The following CSMD3 variants were observed in gnomAD, a reference collection of about 807,000 sequenced individuals.
The protein encoded by CSMD3 is CUB and Sushi multiple domains 3.
CSMD3 carries 177 observed loss-of-function variants against 435.2 expected under a neutral mutation model. That is an observed-to-expected ratio of 0.41 (90% confidence interval 0.36 to 0.46). The LOEUF is 0.46. Among genes scored for constraint, CSMD3 ranks in the 20% least tolerant of loss-of-function variants. CSMD3 has a pLI of 0.34. For missense variants in CSMD3, 4,265 were observed against 4,504.6 expected (o/e 0.95, Z 1.52); for synonymous variants, 1,656 against 1,520.5 (o/e 1.09, Z -2.07).
chr8:113,123,209 T>G (rs944890249), intron 4 of CSMD3, among the ~76,000 whole-genome samples: 1 of 152,092 alleles, frequency 6.6e-6, no homozygotes, highest in African/African-American at 2.4e-5. Flanking sequence ...TGCCTCTAAA[T>G]GCCTAGCTTC....
At chr8:112,691,796 T>C (rs2076143211) in intron 13 of CSMD3, among the ~76,000 whole-genome samples, 1 of 152,034 alleles carries the variant, frequency 6.6e-6, no homozygotes, top group Non-Finnish European at 1.5e-5. Context: ...TTTTGTTTGT[T>C]TGTTTTTTTG....
chr8:112,436,760 C>T (rs1172125113), intron 32 of CSMD3, among the ~76,000 whole-genome samples: 1 of 151,886 alleles, frequency 6.6e-6, no homozygotes, highest in Non-Finnish European at 1.5e-5. Flanking sequence ...TTGTTTATTT[C>T]TAGGTTCTAT....
At chr8:113,206,066 GGGTAGAGCT>G (rs1344848384) in intron 3 of CSMD3, among the ~76,000 whole-genome samples, 2 of 151,994 alleles carry the variant, frequency 1.3e-5, no homozygotes, top group Non-Finnish European at 2.9e-5. Flanking sequence ...TGCACTACAA[GGGTAGAGCT>G]GGTAAGTTGT....
chr8:112,490,385 C>A (rs1452397358), intron 31 of CSMD3, among the ~76,000 whole-genome samples: 18 of 151,982 alleles, frequency 1.2e-4, no homozygotes, highest in Admixed American at 1.2e-3. Flanking sequence ...ATAAGTGATC[C>A]TATAAAATGG....
At chr8:113,232,552 A>T (rs2093100455) in intron 3 of CSMD3, among the ~76,000 whole-genome samples, 1 of 151,810 alleles carries the variant, frequency 6.6e-6, no homozygotes, top group South Asian at 2.1e-4. Context: ...TATTTTGAAT[A>T]GCAAGTGTCA....
chr8:112,874,709 G>T (rs898273567), intron 10 of CSMD3, among the ~76,000 whole-genome samples: 2 of 152,062 alleles, frequency 1.3e-5, no homozygotes, highest in African/African-American at 4.8e-5. Context: ...TTTTATCAGA[G>T]GCTAGGATTG....
At chr8:112,588,575 A>C (rs1830923367) in intron 22 of CSMD3, among the ~76,000 whole-genome samples, 2 of 152,112 alleles carry the variant, frequency 1.3e-5, no homozygotes, top group African/African-American at 4.8e-5. Flanking sequence ...GTACAATTAT[A>C]ATACCAAAAC....
intron 4 of CSMD3, among the ~76,000 whole-genome samples, chr8:113,159,699 C>T: frequency 6.6e-6 from 1 of 152,084 alleles, no homozygotes; most frequent in African/African-American, 2.4e-5. Context: ...TTATCTGAAA[C>T]ATCTCCATAG....
At chr8:112,800,317 A>ACC in intron 12 of CSMD3, 43 bp from the exon 13 acceptor site, 1 of 1,178,606 alleles carries the variant, frequency 8.5e-7, no homozygotes, top group Non-Finnish European at 1.3e-6. Flanking sequence ...GGTTATTAAA[A>ACC]CATCCTCTGC....
chr8:113,044,907 G>T (rs759561957), intron 5 of CSMD3, among the ~76,000 whole-genome samples: 1 of 148,918 alleles, frequency 6.7e-6, no homozygotes. Flanking sequence ...TAATAATTTT[G>T]ATTATATATT....
In CSMD3 at chr8:112,776,257, T is replaced by C. The variant is rs973763817; in HGVS notation, c.1972+23905A>G. Among the ~76,000 whole-genome samples, 6 of 151,836 alleles carry C rather than the reference T, an allele frequency of 4.0e-5. No homozygotes were observed. In the East Asian group the frequency reaches 1.2e-3, roughly 29 times the overall value. On this transcript the variant is annotated intron_variant, in intron 13 of 70. Coordinates refer to ENST00000297405, the MANE Select transcript of CSMD3 (RefSeq NM_198123.2). The stretch of plus-strand genomic sequence containing the variant: ...AGTGGATACAACAAAATAAGGTTCT[T>C]ACCCAATGTTGCTTTTTAAAATTAT...
intron 1 of CSMD3, among the ~76,000 whole-genome samples, chr8:113,393,314 A>G (rs1169785427): frequency 6.6e-6 from 1 of 152,080 alleles, no homozygotes; most frequent in Non-Finnish European, 1.5e-5. Context: ...AACACTCAAG[A>G]AGCCATTGAG....
chr8:113,115,697 T>C (rs779623195), intron 4 of CSMD3, among the ~76,000 whole-genome samples: 1 of 152,212 alleles, frequency 6.6e-6, no homozygotes, highest in Non-Finnish European at 1.5e-5. Flanking sequence ...CTAGTGAAAC[T>C]TTGTGTTATT....
chr8:113,306,227 T>A (rs2093820018), intron 2 of CSMD3, among the ~76,000 whole-genome samples: 1 of 152,198 alleles, frequency 6.6e-6, no homozygotes, highest in African/African-American at 2.4e-5. Flanking sequence ...TCTATGCCAT[T>A]GAGTCAGACA....
At chr8:112,640,467 T>C (rs527273197) in intron 20 of CSMD3, among the ~76,000 whole-genome samples, 1 of 152,220 alleles carries the variant, frequency 6.6e-6, no homozygotes, top group Admixed American at 6.5e-5. Flanking sequence ...AAACAAATGA[T>C]TGAAAACACA....
At chr8:112,842,321 A>G (rs975836757) in intron 11 of CSMD3, among the ~76,000 whole-genome samples, 1 of 151,826 alleles carries the variant, frequency 6.6e-6, no homozygotes, top group African/African-American at 2.4e-5. Flanking sequence ...CTGACTTAGA[A>G]GCATCTGCTG....
chr8:112,865,462 A>G (rs6982356), intron 10 of CSMD3, among the ~76,000 whole-genome samples: 4,846 of 152,136 alleles, frequency 0.032, 107 homozygotes, highest in Non-Finnish European at 0.042. Flanking sequence ...GGACTTTTGT[A>G]ATCTTACTCC....
intron 35 of CSMD3, among the ~76,000 whole-genome samples, chr8:112,404,494 C>T (rs1462924582): frequency 6.6e-6 from 1 of 151,456 alleles, no homozygotes; most frequent in Non-Finnish European, 1.5e-5. Flanking sequence ...TGCCATTGCA[C>T]TCCAGCCTGA....
chr8:112,290,958 T>G (rs1053338563), intron 56 of CSMD3, among the ~76,000 whole-genome samples: 2 of 152,048 alleles, frequency 1.3e-5, no homozygotes, highest in African/African-American at 2.4e-5. Context: ...CTATTTTATG[T>G]ACATTCTACA....
Sources: allele counts gnomAD v4.1 joint callset (sites outside exome capture counted in the v4.1 genomes callset), GRCh38; gene constraint gnomAD v4.1.1; transcripts MANE v1.5; gene names NCBI Gene and HGNC (gene_info 2026-07-23, HGNC 2026-07-21).